The following TBC1D22A variants were observed in gnomAD, a reference collection of about 807,000 sequenced individuals.
TBC1D22A encodes the protein putative GTPase activator.
In TBC1D22A, 38 loss-of-function variants were observed where a neutral mutation model predicts 60.2. The ratio of observed to expected loss-of-function variants is 0.63; its 90% CI spans 0.49 to 0.83. The LOEUF (loss-of-function observed/expected upper bound fraction) is 0.83. Ranked by LOEUF, TBC1D22A falls within the 40% of genes least tolerant of loss-of-function variation. The pLI, the probability that TBC1D22A is intolerant of heterozygous loss-of-function variation, is 0.00. For missense variants in TBC1D22A, 628 were observed against 701.0 expected, an observed-to-expected ratio of 0.90 and a Z score of 1.18; for synonymous variants, 302 against 281.7, an observed-to-expected ratio of 1.07 and a Z score of -0.72.
intron 4 of TBC1D22A, among the ~76,000 whole-genome samples, chr22:46,871,807 G>C (rs540110674): frequency 1.3e-5 from 2 of 152,092 alleles, no homozygotes; most frequent in African/African-American, 4.8e-5. Context: ...CCGAGTAAAA[G>C]AAGAGAAACA....
At chr22:47,054,881 G>C (rs539207089) in intron 11 of TBC1D22A, among the ~76,000 whole-genome samples, 1 of 152,140 alleles carries the variant, frequency 6.6e-6, no homozygotes, top group Non-Finnish European at 1.5e-5. Context: ...TGGTGTGTAG[G>C]GCACAGACCG....
rs1025240248 is a variant in TBC1D22A, at chr22:47,175,480, A to G, written c.*1854A>G. ...GCCGTGTGGCCAGAAGGCTGCGGAC[A>G]CAACTGACCTGCTTCTCGAGGTGGT... On this transcript the variant is annotated 3_prime_UTR_variant, in exon 13 of 13. Transcript: ENST00000337137. 2.6e-5 allele frequency: 4 copies of G among 152,192 alleles called. No individual in the cohort carries two copies. The highest frequency in any genetic ancestry group is 9.7e-5 in the African/African-American group (4 of 41,336). 9.4% of individuals were successfully genotyped at this position (152,192 alleles called of 1,614,324 possible).
chr22:46,989,615 A>G (rs2074858261), intron 9 of TBC1D22A, among the ~76,000 whole-genome samples: 1 of 152,074 alleles, frequency 6.6e-6, no homozygotes, highest in African/African-American at 2.4e-5. Flanking sequence ...AACATTTATT[A>G]AGTTTGCTGT....
At chr22:46,978,004 T>C (rs1319561098) in intron 9 of TBC1D22A, among the ~76,000 whole-genome samples, 3 of 152,226 alleles carry the variant, frequency 2.0e-5, no homozygotes, top group African/African-American at 2.4e-5. Flanking sequence ...TAACACGCAT[T>C]GTGGGACTCC....
intron 10 of TBC1D22A, among the ~76,000 whole-genome samples, chr22:47,001,446 A>G (rs1466353816): frequency 2.9e-5 from 4 of 137,150 alleles, no homozygotes; most frequent in African/African-American, 1.2e-4. Flanking sequence ...CTCTATCTCA[A>G]AAAAGAAAAA....
chr22:46,796,543 G>A (rs2084661876), intron 3 of TBC1D22A, among the ~76,000 whole-genome samples: 1 of 152,174 alleles, frequency 6.6e-6, no homozygotes, highest in Admixed American at 6.5e-5. Flanking sequence ...AGACCCAGGA[G>A]TTTGGAGCCT....
At chr22:46,798,533 C>T (rs571928092) in intron 4 of TBC1D22A, among the ~76,000 whole-genome samples, 67 of 152,386 alleles carry the variant, frequency 4.4e-4, no homozygotes, top group African/African-American at 1.5e-3. Flanking sequence ...CTCTGTGGAA[C>T]GCACTTGCTT....
chr22:46,862,281 C>A (rs1452332795), intron 4 of TBC1D22A, among the ~76,000 whole-genome samples: 5 of 152,212 alleles, frequency 3.3e-5, no homozygotes, highest in Admixed American at 3.3e-4. Context: ...GACTGGCCCT[C>A]ACGAAGTGGG....
intron 1 of TBC1D22A, among the ~76,000 whole-genome samples, chr22:46,780,007 T>G (rs1165284892): frequency 6.6e-6 from 1 of 152,250 alleles, no homozygotes; most frequent in Non-Finnish European, 1.5e-5. Flanking sequence ...TGTTCACTGT[T>G]GCCATGATGG....
At chr22:46,930,423 C>T (rs1411261572) in intron 8 of TBC1D22A, among the ~76,000 whole-genome samples, 3 of 152,126 alleles carry the variant, frequency 2.0e-5, no homozygotes, top group Non-Finnish European at 2.9e-5. Flanking sequence ...TGATACTCAA[C>T]ATCCAAGAAT....
At chr22:46,816,760 A>G (rs1421631376) in intron 4 of TBC1D22A, among the ~76,000 whole-genome samples, 1 of 151,964 alleles carries the variant, frequency 6.6e-6, no homozygotes, top group African/African-American at 2.4e-5. Context: ...ATTTCCTAAC[A>G]TTTGTCTACA....
intron 7 of TBC1D22A, among the ~76,000 whole-genome samples, chr22:46,902,529 C>G (rs571358744): frequency 2.0e-5 from 3 of 152,228 alleles, no homozygotes; most frequent in Admixed American, 6.5e-5. Flanking sequence ...GGCGTCCTTC[C>G]TTTATTGCCC....
At chr22:46,928,730 A>T (rs1218655916) in intron 8 of TBC1D22A, among the ~76,000 whole-genome samples, 1 of 152,218 alleles carries the variant, frequency 6.6e-6, no homozygotes, top group Non-Finnish European at 1.5e-5. Context: ...AGACAAACCT[A>T]ATTTTAAAAT....
intron 9 of TBC1D22A, among the ~76,000 whole-genome samples, chr22:46,984,334 T>C (rs529626690): frequency 3.5e-5 from 4 of 113,240 alleles, no homozygotes; most frequent in Middle Eastern, 8.3e-3. Context: ...GCCACTGCCC[T>C]CCAGCCGGGG....
intron 8 of TBC1D22A, among the ~76,000 whole-genome samples, chr22:46,922,621 T>C (rs1245311484): frequency 6.6e-6 from 1 of 152,228 alleles, no homozygotes; most frequent in Non-Finnish European, 1.5e-5. Context: ...CAGTGTTTTG[T>C]AATTCTCATT....
chr22:46,948,860 C>G (rs1312033127), intron 8 of TBC1D22A, among the ~76,000 whole-genome samples: 1 of 152,192 alleles, frequency 6.6e-6, no homozygotes, highest in Non-Finnish European at 1.5e-5. Flanking sequence ...ATCAGAAAAT[C>G]AGAAAATCAC....
At position 46,985,539 on chromosome 22, in the gene TBC1D22A, T is replaced by G. The variant is rs530262205; in HGVS notation, c.1125+11140T>G. ...TAAAAATGAAAATTAAAAAATTCAA[T>G]TTACAGTAGCTTTGAAAACCCTAAG... is the stretch of plus-strand genomic sequence containing the variant. On this transcript the variant is annotated intron_variant, in intron 9 of 12. Transcript: ENST00000337137. Among the ~76,000 whole-genome samples, 131 of 152,340 alleles carry G rather than the reference T, an allele frequency of 8.6e-4. 1 individual carries two copies. The highest frequency in any genetic ancestry group is 3.0e-3 in the African/African-American group (125 of 41,574).
At chr22:46,846,456 G>A (rs1289467812) in intron 4 of TBC1D22A, among the ~76,000 whole-genome samples, 1 of 152,186 alleles carries the variant, frequency 6.6e-6, no homozygotes, top group Non-Finnish European at 1.5e-5. Flanking sequence ...GAGGAAGGGT[G>A]ACTTCTTTTC....
chr22:46,795,326 C>T (rs1237743049), intron 3 of TBC1D22A, among the ~76,000 whole-genome samples: 1 of 152,218 alleles, frequency 6.6e-6, no homozygotes, highest in Admixed American at 6.5e-5. Flanking sequence ...GCACCGTGCC[C>T]CCTACCCCCA....
Sources: allele counts gnomAD v4.1 joint callset (sites outside exome capture counted in the v4.1 genomes callset), GRCh38; gene constraint gnomAD v4.1.1; transcripts MANE v1.5; gene names NCBI Gene and HGNC (gene_info 2026-07-23, HGNC 2026-07-21).